Variants in DYNC2H1 observed in about 807,000 individuals in gnomAD.
DYNC2H1 encodes the protein dynein cytoplasmic 2 heavy chain 1.
DYNC2H1 carries 410 observed loss-of-function variants against 570.0 expected under a neutral mutation model. The ratio of observed to expected loss-of-function variants is 0.72; its 90% CI spans 0.66 to 0.78. DYNC2H1 has a LOEUF of 0.78. Among genes scored for constraint, DYNC2H1 ranks in the 30% least tolerant of loss-of-function variants. The pLI is 0.00. For synonymous variants in DYNC2H1, 1,688 were observed against 1,677.6 expected (o/e 1.01, Z -0.15); for missense variants, 4,865 against 5,046.4 (o/e 0.96, Z 1.09).
chr11:103,188,480 T>C lies in DYNC2H1; in HGVS notation c.7141-17T>C. 6.6e-7 allele frequency: 1 copy of C among 1,510,026 alleles called. No homozygotes were observed. Among genetic ancestry groups the C allele is most frequent in the South Asian group, 1.4e-5 (1 of 72,510 alleles). The allele number at this position is 1,510,026 out of a possible 1,614,324, so 93.5% of individuals were successfully genotyped here. A position where few individuals can be genotyped will look rare whatever the true frequency, so the allele number is the denominator to read the frequency against. The stretch of plus-strand genomic sequence containing the variant: ...TCTTAGATAAAAAACGTTTAAAATA[T>C]ATTTATTTTCAAATAGGTATTGACG... On this transcript the variant is annotated splice_polypyrimidine_tract_variant and intron_variant, in intron 43 of 88. Coordinates refer to ENST00000375735, the MANE Select transcript of DYNC2H1 (RefSeq NM_001377.3).
At chr11:103,459,032 G>A (rs1489950815) in intron 87 of DYNC2H1, among the ~76,000 whole-genome samples, 1 of 151,916 alleles carries the variant, frequency 6.6e-6, no homozygotes, top group Non-Finnish European at 1.5e-5. Flanking sequence ...ATTCCAGGCC[G>A]GGCGCGGTGG....
At chr11:103,214,030 T>C (rs1473881920) in intron 54 of DYNC2H1, among the ~76,000 whole-genome samples, 2 of 152,172 alleles carry the variant, frequency 1.3e-5, no homozygotes, top group African/African-American at 4.8e-5. Flanking sequence ...GGAGGTCTAG[T>C]TTCATTCTTT....
chr11:103,176,101 G>T, intron 36 of DYNC2H1, 134 bp from the exon 37 acceptor site: 1 of 607,906 alleles, frequency 1.6e-6, no homozygotes. Context: ...TTCATGTGAT[G>T]TAATGTCTTT....
chr11:103,336,866 C>T (rs1591596963), intron 82 of DYNC2H1, among the ~76,000 whole-genome samples: 1 of 152,226 alleles, frequency 6.6e-6, no homozygotes, highest in East Asian at 1.9e-4. Context: ...GTGCAGATAC[C>T]TTTCCAATAT....
chr11:103,400,698 T>C (rs532614955), intron 84 of DYNC2H1, among the ~76,000 whole-genome samples: 64 of 152,068 alleles, frequency 4.2e-4, no homozygotes, highest in Non-Finnish European at 8.2e-4. Context: ...GTACTCAATA[T>C]AGGGAAACCT....
chr11:103,113,871 T>TA (rs1043128048), intron 2 of DYNC2H1, among the ~76,000 whole-genome samples, 164 bp downstream of exon 2: 23 of 152,138 alleles, frequency 1.5e-4, no homozygotes, highest in African/African-American at 4.3e-4. Context: ...TAAGTTGTGG[T>TA]AAAAAATAGA....
intron 85 of DYNC2H1, among the ~76,000 whole-genome samples, chr11:103,447,638 C>T (rs1944470646): frequency 6.6e-6 from 1 of 152,108 alleles, no homozygotes; most frequent in African/African-American, 2.4e-5. Context: ...AATCTGCATC[C>T]ATCACTAGAC....
In DYNC2H1 at chr11:103,369,830, T is replaced by G. The variant is rs1442359191; in HGVS notation, c.12156+11471T>G. 2.0e-5 allele frequency among the ~76,000 whole-genome samples: 3 copies of G among 152,132 alleles called. No homozygotes were observed. In the East Asian group the frequency reaches 5.8e-4, roughly 29 times the overall value. Reference sequence around the variant, plus strand: ...AGCAGCAATACCCACGTGTACTACATTGAGGGCCTTGGGTGAGGTTCTGAG... The same window carrying G: ...AGCAGCAATACCCACGTGTACTACAGTGAGGGCCTTGGGTGAGGTTCTGAG... On this transcript the variant is annotated intron_variant, in intron 83 of 88. Coordinates refer to ENST00000375735, the MANE Select transcript of DYNC2H1 (RefSeq NM_001377.3). The surrounding 1 kb of genome is among the most constrained non-coding windows in gnomAD (Gnocchi z 4.0).
intron 88 of DYNC2H1, among the ~76,000 whole-genome samples, chr11:103,471,385 A>G (rs969269016): frequency 2.0e-5 from 3 of 152,206 alleles, no homozygotes; most frequent in African/African-American, 7.2e-5. Context: ...TCAGAACACA[A>G]AATTCTCTAG....
intron 88 of DYNC2H1, among the ~76,000 whole-genome samples, chr11:103,473,233 T>C (rs2135862123): frequency 6.6e-6 from 1 of 152,126 alleles, no homozygotes; most frequent in South Asian, 2.1e-4. Context: ...CCATTATCTA[T>C]GTACTAAGAT....
At chr11:103,428,093 C>CTGTT (rs1348204711) in intron 84 of DYNC2H1, among the ~76,000 whole-genome samples, 4 of 151,738 alleles carry the variant, frequency 2.6e-5, no homozygotes, top group Non-Finnish European at 5.9e-5. Flanking sequence ...TCTGAGGACC[C>CTGTT]TGTTAGAGTA....
intron 21 of DYNC2H1, among the ~76,000 whole-genome samples, chr11:103,152,791 G>A (rs1860630538): frequency 6.6e-6 from 1 of 152,082 alleles, no homozygotes; most frequent in Non-Finnish European, 1.5e-5. Flanking sequence ...TTGCTGTGTA[G>A]TAGGGTTGGG....
intron 85 of DYNC2H1, among the ~76,000 whole-genome samples, chr11:103,451,580 C>G (rs1944606208): frequency 6.6e-6 from 1 of 152,034 alleles, no homozygotes; most frequent in Non-Finnish European, 1.5e-5. Flanking sequence ...ATCCCCAAAC[C>G]TCAGCTTCCC....
chr11:103,379,851 C>G (rs1483134867), intron 83 of DYNC2H1, among the ~76,000 whole-genome samples: 4 of 152,124 alleles, frequency 2.6e-5, no homozygotes, highest in Non-Finnish European at 4.4e-5. Flanking sequence ...TACTTATTTC[C>G]CCTTCTGTGT....
chr11:103,477,832 C>CA (rs55817710), intron 88 of DYNC2H1, among the ~76,000 whole-genome samples: 3,059 of 72,478 alleles, frequency 0.042, 237 homozygotes, highest in East Asian at 0.22. Context: ...CTCCCCATCT[C>CA]AAAAAAAAAA....
chr11:103,113,939 T>C (rs1858242745), intron 2 of DYNC2H1, among the ~76,000 whole-genome samples, 164 bp from the exon 3 acceptor site: 1 of 152,212 alleles, frequency 6.6e-6, no homozygotes, highest in African/African-American at 2.4e-5. Flanking sequence ...CTACATTAAA[T>C]GCTTTTCATA....
chr11:103,286,233 T>C (rs1866346400), intron 73 of DYNC2H1, 22 bp from the exon 74 acceptor site: 2 of 1,612,020 alleles, frequency 1.2e-6, no homozygotes, highest in East Asian at 4.5e-5. Flanking sequence ...GCTCACTGTA[T>C]ATGGCCATTT....
At chr11:103,114,793 A>G (rs1858294572) in intron 3 of DYNC2H1, among the ~76,000 whole-genome samples, 1 of 151,996 alleles carries the variant, frequency 6.6e-6, no homozygotes, top group African/African-American at 2.4e-5. Context: ...TGATTCATTA[A>G]CATTGACTTA....
intron 84 of DYNC2H1, among the ~76,000 whole-genome samples, chr11:103,410,581 G>A (rs1565574748): frequency 6.6e-6 from 1 of 152,048 alleles, no homozygotes; most frequent in Non-Finnish European, 1.5e-5. Context: ...TCTGGCGAAT[G>A]GTTTTGTTAA....
Sources: gnomAD v4.1 joint callset for allele counts (sites outside exome capture counted in the v4.1 genomes callset) on GRCh38, gnomAD v4.1.1 for gene constraint, Gnocchi (gnomAD v3.1) non-coding constraint, MANE v1.5 for transcripts, NCBI Gene and HGNC (gene_info 2026-07-23, HGNC 2026-07-21) for gene names.